SULF1: variants seen among roughly 807,000 people sequenced by gnomAD.
SULF1 encodes extracellular sulfatase Sulf-1.
A neutral mutation model predicts 110.5 loss-of-function variants in SULF1; 46 were observed. That is an observed-to-expected ratio of 0.42 (90% CI 0.33 to 0.53). SULF1 has a LOEUF of 0.53. Among genes scored for constraint, SULF1 ranks in the 20% least tolerant of loss-of-function variants. The pLI is 0.12. For synonymous variants in SULF1, 371 were observed against 387.1 expected (o/e 0.96, Z 0.49); for missense variants, 941 against 1,094.2 (o/e 0.86, Z 1.98).
At chr8:69,586,262 TA>T in intron 6 of SULF1, 94 bp from the exon 7 acceptor site, 1 of 1,339,632 alleles carries the variant, frequency 7.5e-7, no homozygotes, top group Non-Finnish European at 9.9e-7. Context: ...ACTTTTGTTT[TA>T]CCGTCTCTTT....
intron 3 of SULF1, among the ~76,000 whole-genome samples, chr8:69,542,965 G>A (rs1813961813): frequency 6.6e-6 from 1 of 152,178 alleles, no homozygotes; most frequent in Admixed American, 6.5e-5. Context: ...GGCCCCGCTT[G>A]TGAGACCAGA....
At chr8:69,467,849 G>A (rs2583086) in intron 1 of SULF1, among the ~76,000 whole-genome samples, 1 of 151,764 alleles carries the variant, frequency 6.6e-6, no homozygotes, top group Non-Finnish European at 1.5e-5. Flanking sequence ...TAGTCATCTG[G>A]TGCCTGAGCA....
At chr8:69,615,904 T>C (rs1022073075) in intron 13 of SULF1, among the ~76,000 whole-genome samples, 3 of 151,994 alleles carry the variant, frequency 2.0e-5, no homozygotes, top group African/African-American at 7.2e-5. Flanking sequence ...ACAAACAAAA[T>C]AGGCAGAATT....
intron 3 of SULF1, among the ~76,000 whole-genome samples, chr8:69,526,950 A>T (rs1159310324): frequency 1.3e-5 from 2 of 152,224 alleles, no homozygotes; most frequent in East Asian, 3.9e-4. Context: ...AGAGAAAGAT[A>T]GAAAAAATAA....
Position 69,576,077 on chromosome 8 carries a change from A to G in SULF1, c.280A>G (p.Met94Val), listed in dbSNP as rs747693370. 1 of 1,614,104 alleles carries G rather than the reference A, an allele frequency of 6.2e-7. No homozygotes were observed. Among genetic ancestry groups the G allele is most frequent in the Non-Finnish European group, 8.5e-7 (1 of 1,180,038 alleles). ...CATGTGCTGCCCGTCACGGTCCTCC[A>G]TGCTCACCGGGAAGTATGTGCACAA... ...TPMCCPSRSS[M>V]LTGKYVHNHN... is the part of the protein sequence containing the mutation. The change falls in exon 6 of 23, where the codon ATG becomes GTG. Residue 94 changes from methionine (M) to valine (V), a missense_variant. Transcript: ENST00000402687.
chr8:69,467,429 A>G (rs1445782148), intron 1 of SULF1, among the ~76,000 whole-genome samples: 2 of 152,270 alleles, frequency 1.3e-5, no homozygotes, highest in Non-Finnish European at 2.9e-5. Context: ...GATTTATGAC[A>G]GAGCAAAGGG....
At chr8:69,622,221 C>G (rs560709902) in intron 14 of SULF1, among the ~76,000 whole-genome samples, 97 of 152,278 alleles carry the variant, frequency 6.4e-4, no homozygotes, top group African/African-American at 2.3e-3. Context: ...ATTTGGGAGA[C>G]TTTTTTTCTT....
chr8:69,467,181 G>C (rs1720618049), intron 1 of SULF1: 1 of 152,178 alleles, frequency 6.6e-6, no homozygotes, highest in African/African-American at 2.4e-5. Context: ...ACCTTTGGGA[G>C]CCGCGTTTGT....
chr8:69,541,683 G>C (rs1273558160), intron 3 of SULF1, among the ~76,000 whole-genome samples: 1 of 152,200 alleles, frequency 6.6e-6, no homozygotes, highest in African/African-American at 2.4e-5. Context: ...AATGCTCACA[G>C]GTAGAAAAGC....
At chr8:69,537,723 C>T (rs1813521214) in intron 3 of SULF1, among the ~76,000 whole-genome samples, 2 of 152,110 alleles carry the variant, frequency 1.3e-5, no homozygotes, top group Admixed American at 6.5e-5. Flanking sequence ...AATATCTGCA[C>T]GTTTGGAATG....
In SULF1 at chr8:69,604,951, C is replaced by G. The variant is rs905662737; in HGVS notation, c.1377+19C>G. On this transcript the variant is annotated intron_variant, in intron 13 of 22. Transcript: ENST00000402687. ...GGGGCAGGTGAGTGACGCAGGCTTT[C>G]TTTACCACCACTCATGTGCTTCTCC... The G allele has an allele frequency of 6.2e-7, 1 of 1,613,008 alleles. No homozygotes were observed. The highest frequency in any genetic ancestry group is 8.5e-7 in the Non-Finnish European group (1 of 1,179,696).
intron 5 of SULF1, among the ~76,000 whole-genome samples, chr8:69,570,042 A>G (rs1239741450): frequency 6.6e-6 from 1 of 152,228 alleles, no homozygotes; most frequent in Non-Finnish European, 1.5e-5. Flanking sequence ...CTTTACTATG[A>G]AAATAACTGT....
At chr8:69,545,288 C>T (rs896028963) in intron 3 of SULF1, among the ~76,000 whole-genome samples, 4 of 152,180 alleles carry the variant, frequency 2.6e-5, no homozygotes, top group Non-Finnish European at 4.4e-5. Context: ...ATAAACCAAA[C>T]TCTTCTGGTC....
intron 3 of SULF1, among the ~76,000 whole-genome samples, chr8:69,527,338 T>G (rs1345716930): frequency 6.6e-6 from 1 of 152,056 alleles, no homozygotes; most frequent in Non-Finnish European, 1.5e-5. Flanking sequence ...TACAAAGTCT[T>G]GTAGTAGAAA....
intron 3 of SULF1, among the ~76,000 whole-genome samples, chr8:69,534,578 C>T (rs1019883049): frequency 2.6e-5 from 4 of 152,180 alleles, no homozygotes; most frequent in Admixed American, 2.0e-4. Context: ...CTTCTACTTA[C>T]ATGTTTTATT....
chr8:69,575,687 T>A (rs952164599), intron 5 of SULF1, among the ~76,000 whole-genome samples: 1 of 152,172 alleles, frequency 6.6e-6, no homozygotes, highest in Non-Finnish European at 1.5e-5. Flanking sequence ...ATCTGCTCCA[T>A]ATCTAAAATT....
chr8:69,586,960 C>T (rs1806510505), intron 7 of SULF1, among the ~76,000 whole-genome samples: 1 of 152,164 alleles, frequency 6.6e-6, no homozygotes, highest in South Asian at 2.1e-4. Context: ...AACCACATTC[C>T]TTGCTTTTAC....
intron 6 of SULF1, among the ~76,000 whole-genome samples, chr8:69,581,455 C>G (rs1019480023): frequency 6.6e-6 from 1 of 152,152 alleles, no homozygotes; most frequent in African/African-American, 2.4e-5. Flanking sequence ...TAATTACAAT[C>G]AGGTCTTCTG....
At chr8:69,507,461 C>T (rs757287957) in intron 3 of SULF1, among the ~76,000 whole-genome samples, 5 of 152,130 alleles carry the variant, frequency 3.3e-5, no homozygotes, top group East Asian at 1.9e-4. Context: ...CTAATTTGAC[C>T]GCATTTATCT....
Sources: gnomAD v4.1 joint callset for allele counts (sites outside exome capture counted in the v4.1 genomes callset) on GRCh38, gnomAD v4.1.1 for gene constraint, MANE v1.5 for transcripts, NCBI Gene and HGNC (gene_info 2026-07-23, HGNC 2026-07-21) for gene names.